BCL7C: variants seen among roughly 807,000 people sequenced by gnomAD.
BCL7C encodes the protein BAF chromatin remodeling complex subunit BCL7C.
In BCL7C, 8 loss-of-function variants were observed where a neutral mutation model predicts 26.2. That is an observed-to-expected ratio of 0.30 (90% CI 0.18 to 0.55). BCL7C has a LOEUF of 0.55. BCL7C is among the 20% of genes least tolerant of loss of function. The pLI is 0.93. For missense variants in BCL7C, 262 were observed against 298.5 expected (o/e 0.88, Z 0.90); for synonymous variants, 90 against 116.5 (o/e 0.77, Z 1.47).
chr16:30,860,206 C>G (rs1014543997), intron 5 of BCL7C, among the ~76,000 whole-genome samples: 1 of 152,232 alleles, frequency 6.6e-6, no homozygotes, highest in Non-Finnish European at 1.5e-5. Context: ...GGAAGACAGT[C>G]TTCCCTTGGT....
At chr16:30,856,269 G>A (rs1336959716) in intron 5 of BCL7C, among the ~76,000 whole-genome samples, 4 of 151,072 alleles carry the variant, frequency 2.6e-5, no homozygotes, top group East Asian at 2.0e-4. Flanking sequence ...GTGAAACCCC[G>A]TCTCTACTAA....
chr16:30,836,380 G>GA (rs1162344486), intron 5 of BCL7C, among the ~76,000 whole-genome samples: 22 of 152,154 alleles, frequency 1.4e-4, no homozygotes, highest in African/African-American at 5.1e-4. Flanking sequence ...GGCAAGGTGA[G>GA]AGGATCACTT....
intron 4 of BCL7C, among the ~76,000 whole-genome samples, chr16:30,890,951 C>T (rs2055217644): frequency 1.3e-5 from 2 of 151,982 alleles, no homozygotes; most frequent in African/African-American, 2.4e-5. Context: ...TGCCATTGCA[C>T]TCTAGTCTGG....
In BCL7C at chr16:30,834,843, T is replaced by A; in HGVS notation, c.*105A>T. ...CGCTCGCCCTCCGATGTTACCGCGG[T>A]GGGTGAGCTGGGAAGCTCTTTCCGC... On this transcript the variant is annotated 3_prime_UTR_variant, in exon 6 of 6. Coordinates refer to the BCL7C transcript ENST00000380317. This position sits in a 1 kb window ranked among gnomAD's most constrained non-coding sequence, Gnocchi z 4.3. 8.6e-7 allele frequency: 1 copy of A among 1,158,378 alleles called. No individual in the cohort carries two copies. Among genetic ancestry groups the A allele is most frequent in the Non-Finnish European group, 1.2e-6 (1 of 842,544 alleles). 71.8% of individuals were successfully genotyped at this position (1,158,378 alleles called of 1,614,324 possible).
intron 5 of BCL7C, among the ~76,000 whole-genome samples, chr16:30,836,528 G>C (rs2054570525): frequency 6.7e-6 from 1 of 148,874 alleles, no homozygotes; most frequent in Admixed American, 6.7e-5. Flanking sequence ...AGGCTGGAGT[G>C]CAGTAGTACA....
intron 5 of BCL7C, among the ~76,000 whole-genome samples, chr16:30,848,218 C>T (rs1038643212): frequency 7.9e-5 from 12 of 152,098 alleles, no homozygotes; most frequent in African/African-American, 2.7e-4. Flanking sequence ...TGATAGACTG[C>T]GTTTATCATG....
At chr16:30,833,971 T>C (rs1250156455) in exon 6 of BCL7C, 2 of 152,344 alleles carry the variant, frequency 1.3e-5, no homozygotes, top group South Asian at 2.1e-4. Flanking sequence ...ATCTGCAAAA[T>C]GCAGATAATG....
At chr16:30,888,760 C>T (rs747508341) in intron 5 of BCL7C, 100 bp downstream of exon 5, 34 of 1,117,300 alleles carry the variant, frequency 3.0e-5, no homozygotes, top group Non-Finnish European at 4.2e-5. Context: ...CCAGGTCTGC[C>T]TCTCCTCCAG....
At chr16:30,878,151 G>A (rs946717493) in intron 5 of BCL7C, among the ~76,000 whole-genome samples, 2 of 151,192 alleles carry the variant, frequency 1.3e-5, no homozygotes, top group Admixed American at 1.3e-4. Context: ...CTGCAGCCTG[G>A]GCGATAGAGC....
intron 5 of BCL7C, chr16:30,835,192 C>T (rs1344442264): frequency 7.1e-7 from 1 of 1,411,974 alleles, no homozygotes; most frequent in Non-Finnish European, 9.3e-7. Context: ...TCCTCTTCTC[C>T]CCACCTCACT....
chr16:30,838,951 G>A (rs940013590), intron 5 of BCL7C, among the ~76,000 whole-genome samples: 1 of 152,174 alleles, frequency 6.6e-6, no homozygotes, highest in Non-Finnish European at 1.5e-5. Context: ...AAGAATGTCA[G>A]AAAGATTCTG....
At chr16:30,841,783 A>C (rs1388294030) in intron 5 of BCL7C, among the ~76,000 whole-genome samples, 1 of 151,730 alleles carries the variant, frequency 6.6e-6, no homozygotes, top group Non-Finnish European at 1.5e-5. Context: ...GTGAAACCCC[A>C]TCTCTACTAA....
chr16:30,874,666 T>C (rs558399743), intron 5 of BCL7C, among the ~76,000 whole-genome samples: 2 of 152,240 alleles, frequency 1.3e-5, no homozygotes, highest in Non-Finnish European at 2.9e-5. Flanking sequence ...TAAAGACCCC[T>C]GAGCCAGGGC....
downstream of BCL7C, among the ~76,000 whole-genome samples, chr16:30,884,860 T>G (rs2055106973): frequency 6.6e-6 from 1 of 152,126 alleles, no homozygotes; most frequent in Non-Finnish European, 1.5e-5. Context: ...TTGCTCAAGG[T>G]GATACAACAA....
chr16:30,878,154 G>T (rs917828721), intron 5 of BCL7C, among the ~76,000 whole-genome samples: 3 of 151,352 alleles, frequency 2.0e-5, no homozygotes, highest in Admixed American at 2.0e-4. Flanking sequence ...CAGCCTGGGC[G>T]ATAGAGCTAA....
At position 30,865,710 on chromosome 16, in the gene BCL7C, C is replaced by T. The variant is rs2054819036; in HGVS notation, c.528+23150G>A. Among the ~76,000 whole-genome samples the T allele has an allele frequency of 2.7e-5, 4 of 148,814 alleles. No individual in the cohort carries two copies. In the South Asian group the frequency reaches 8.6e-4, roughly 32 times the overall value. On this transcript the variant is annotated intron_variant, in intron 5 of 5. Transcript: ENST00000380317. ...TTCCTGACATTTTACCGTGCACATA[C>T]ATATGGCTTTTTTTTTCTTTTTTTT...
chr16:30,890,891 G>A (rs183766517), intron 4 of BCL7C, among the ~76,000 whole-genome samples: 10 of 151,804 alleles, frequency 6.6e-5, no homozygotes, highest in Admixed American at 5.9e-4. Flanking sequence ...AGGCTGAGGC[G>A]GGAGAATCGC....
intron 5 of BCL7C, among the ~76,000 whole-genome samples, chr16:30,853,798 C>G (rs2054697197): frequency 6.6e-6 from 1 of 152,162 alleles, no homozygotes; most frequent in Admixed American, 6.5e-5. Context: ...CCTTATTAGT[C>G]AATTCCTCAA....
chr16:30,881,426 A>ACACAC (rs1567320786), intron 5 of BCL7C, among the ~76,000 whole-genome samples: 6 of 144,892 alleles, frequency 4.1e-5, no homozygotes, highest in South Asian at 4.6e-4. Flanking sequence ...ACACACACAC[A>ACACAC]ACAAAAAATT....
Sources: allele counts gnomAD v4.1 joint callset (sites outside exome capture counted in the v4.1 genomes callset), GRCh38; gene constraint gnomAD v4.1.1; non-coding constraint Gnocchi (gnomAD v3.1); transcripts MANE v1.5; gene names NCBI Gene and HGNC (gene_info 2026-07-23, HGNC 2026-07-21).